The following NCOA6 variants were observed in gnomAD, a reference collection of about 807,000 sequenced individuals.
NCOA6 encodes the protein nuclear receptor coactivator 6, also known as NRC RAP250.
Under a neutral mutation model 171.4 loss-of-function variants are expected in NCOA6, and 49 were observed. The observed-to-expected ratio is 0.29, with a 90% confidence interval of 0.23 to 0.36. The LOEUF (loss-of-function observed/expected upper bound fraction) is 0.36, where lower values mean the gene tolerates loss of function less well. Ranked by LOEUF, NCOA6 falls within the 10% of genes least tolerant of loss-of-function variation. NCOA6 has a pLI of 1.00. For missense variants in NCOA6, 2,248 were observed against 2,554.5 expected, an observed-to-expected ratio of 0.88 and a Z score of 2.59; for synonymous variants, 910 against 927.5, an observed-to-expected ratio of 0.98 and a Z score of 0.34.
At chr20:34,718,892 C>T (rs982535196) in intron 14 of NCOA6, among the ~76,000 whole-genome samples, 14 of 152,178 alleles carry the variant, frequency 9.2e-5, no homozygotes, top group South Asian at 4.1e-4. Flanking sequence ...GTGATTGGCA[C>T]GCTGTTCCTA....
intron 13 of NCOA6, among the ~76,000 whole-genome samples, chr20:34,731,211 G>C (rs570980428): frequency 8.6e-5 from 13 of 151,976 alleles, no homozygotes; most frequent in African/African-American, 2.7e-4. Flanking sequence ...GTAGAGACGG[G>C]GTCTTACCAT....
At chr20:34,715,818 G>A (rs1988494157) in intron 14 of NCOA6, among the ~76,000 whole-genome samples, 1 of 152,174 alleles carries the variant, frequency 6.6e-6, no homozygotes, top group African/African-American at 2.4e-5. Context: ...CCAAGCTATT[G>A]TTTCACAGTA....
At chr20:34,813,234 G>A (rs1388434708) in intron 1 of NCOA6, among the ~76,000 whole-genome samples, 2 of 151,956 alleles carry the variant, frequency 1.3e-5, no homozygotes, top group Non-Finnish European at 2.9e-5. Context: ...GGGAGGCCGA[G>A]GAGGGTGGAT....
chr20:34,807,492 A>G (rs1293736704), intron 1 of NCOA6, among the ~76,000 whole-genome samples: 1 of 152,200 alleles, frequency 6.6e-6, no homozygotes, highest in Non-Finnish European at 1.5e-5. Context: ...ATTGTACCCT[A>G]CATGGAAATC....
intron 14 of NCOA6, among the ~76,000 whole-genome samples, chr20:34,723,944 T>C (rs983395514): frequency 3.3e-5 from 5 of 152,208 alleles, no homozygotes; most frequent in Admixed American, 1.3e-4. Flanking sequence ...GGTAATTACA[T>C]ACCATATTCT....
At chr20:34,715,465 A>C in intron 14 of NCOA6, 100 bp from the exon 15 acceptor site, 1 of 842,974 alleles carries the variant, frequency 1.2e-6, no homozygotes, top group East Asian at 2.5e-5. Flanking sequence ...GGGGAGCCCT[A>C]CTCAACTCAG....
At position 34,742,704 on chromosome 20, in the gene NCOA6, G is replaced by A; in HGVS notation, c.3552C>T (p.Pro1184=). The part of the protein sequence containing the change: ...SATQGATPQQ[P]PVNSLPSSHG... Reference sequence around the variant, plus strand: ...GAGAGCTGGGCAGGGAATTTACAGGGGGTTGCTGGGGAGTTGCACCTTGAG... The same window carrying A: ...GAGAGCTGGGCAGGGAATTTACAGGAGGTTGCTGGGGAGTTGCACCTTGAG... Residue 1184 remains proline (P), a synonymous_variant, in exon 11 of 15, where the codon CCC becomes CCT. Transcript: ENST00000359003. 6.2e-7 allele frequency: 1 copy of A among 1,614,156 alleles called. No homozygotes were observed. The highest frequency in any genetic ancestry group is 1.1e-5 in the South Asian group (1 of 91,074).
chr20:34,721,131 T>C (rs1448860539), intron 14 of NCOA6, among the ~76,000 whole-genome samples: 1 of 151,340 alleles, frequency 6.6e-6, no homozygotes, highest in East Asian at 1.9e-4. Context: ...AGCTCTGAGG[T>C]TGAGTTGATC....
At chr20:34,746,681 A>G in intron 10 of NCOA6, 126 bp downstream of exon 10, 1 of 1,161,546 alleles carries the variant, frequency 8.6e-7, no homozygotes, top group Non-Finnish European at 1.1e-6. Flanking sequence ...TACCAGACAC[A>G]TTAAATCACT....
chr20:34,775,081 GA>G (rs2077266638), intron 4 of NCOA6, among the ~76,000 whole-genome samples: 1 of 152,172 alleles, frequency 6.6e-6, no homozygotes, highest in Non-Finnish European at 1.5e-5. Context: ...TTCATTTAGA[GA>G]AGACATCAAT....
intron 14 of NCOA6, among the ~76,000 whole-genome samples, chr20:34,717,570 G>T (rs1435662006): frequency 6.6e-6 from 1 of 152,106 alleles, no homozygotes; most frequent in East Asian, 1.9e-4. Context: ...CTTCTCAAAG[G>T]TCATGTTTTT....
chr20:34,719,759 C>G, intron 14 of NCOA6, among the ~76,000 whole-genome samples: 1 of 151,958 alleles, frequency 6.6e-6, no homozygotes, highest in East Asian at 1.9e-4. Flanking sequence ...AAGACTCTGT[C>G]TCAAAACAAA....
At chr20:34,810,599 A>G (rs1173620797) in intron 1 of NCOA6, among the ~76,000 whole-genome samples, 2 of 149,530 alleles carry the variant, frequency 1.3e-5, no homozygotes, top group East Asian at 3.9e-4. Flanking sequence ...TCTGTCACCC[A>G]GGCTGGAGTG....
At chr20:34,731,560 A>G (rs1341838413) in intron 13 of NCOA6, among the ~76,000 whole-genome samples, 2 of 152,262 alleles carry the variant, frequency 1.3e-5, no homozygotes, top group Non-Finnish European at 2.9e-5. Flanking sequence ...GGGCACTTGT[A>G]GCTCAATCTA....
intron 12 of NCOA6, among the ~76,000 whole-genome samples, chr20:34,734,658 CT>C (rs556391473): frequency 4.7e-5 from 7 of 148,418 alleles, no homozygotes; most frequent in Admixed American, 2.0e-4. Context: ...GTTTGCTCTT[CT>C]TTTTTTTTTG....
At chr20:34,740,213 T>A (rs2076089456) in intron 11 of NCOA6, 150 bp downstream of exon 11, 3 of 1,141,756 alleles carry the variant, frequency 2.6e-6, no homozygotes, top group Admixed American at 2.9e-5. Context: ...AAAAGCATAT[T>A]TTCCAACGTA....
In NCOA6 at chr20:34,818,379, CA is replaced by C. The variant is rs201368811; in HGVS notation, c.-164+7092del. Among the ~76,000 whole-genome samples, 1,013 of 152,040 alleles carry C rather than the reference CA, an allele frequency of 6.7e-3. 7 individuals are homozygous for C. Among genetic ancestry groups the C allele is most frequent in the African/African-American group, 0.023 (947 of 41,484 alleles). Reference sequence around the variant, plus strand: ...TATTTAAAAACAAAACAAAACAAAACAAAAAAACCCTACCCAAAGAACACTG... The same window carrying C: ...TATTTAAAAACAAAACAAAACAAAACAAAAAACCCTACCCAAAGAACACTG... On this transcript the variant is annotated intron_variant, in intron 1 of 14. Transcript: ENST00000359003.
chr20:34,715,372 G>C lies in NCOA6; in HGVS notation c.6149-7C>G. ...TGCACCGCACTGGTTATGTCTGTGG[G>C]GGAAAGAAAGGACATGTTCAGTGGA... On this transcript the variant is annotated splice_region_variant and splice_polypyrimidine_tract_variant and intron_variant, in intron 14 of 14. Transcript: ENST00000359003. 1.9e-6 allele frequency: 3 copies of C among 1,605,598 alleles called. No individual in the cohort carries two copies. Among genetic ancestry groups the C allele is most frequent in the South Asian group, 2.2e-5 (2 of 90,884 alleles).
Position 34,742,440 on chromosome 20 carries a change from T to C in NCOA6, c.3816A>G (p.Gln1272=), listed in dbSNP as rs370030733. 1.3e-4 allele frequency: 204 copies of C among 1,614,102 alleles called. No homozygotes were observed. The highest frequency in any genetic ancestry group is 1.5e-4 in the Non-Finnish European group (179 of 1,180,048). ...TCAAAGTTGTTGGATTTAGGCCTTG[T>C]TGATCAAAGCCCCTGTTTAAATTTG... ...PRPNLNRGFD[Q]QGLNPTTLKA... is the part of the protein sequence containing the mutation. Residue 1272 remains glutamine (Q), a synonymous_variant, in exon 11 of 15, where the codon CAA becomes CAG. Coordinates refer to ENST00000359003, the MANE Select transcript of NCOA6 (RefSeq NM_014071.5).
Sources: allele counts gnomAD v4.1 joint callset (sites outside exome capture counted in the v4.1 genomes callset), GRCh38; gene constraint gnomAD v4.1.1; transcripts MANE v1.5; gene names NCBI Gene and HGNC (gene_info 2026-07-23, HGNC 2026-07-21).